The following ITGA11 variants were observed in gnomAD, a reference collection of about 807,000 sequenced individuals.
ITGA11 encodes integrin alpha-11.
In ITGA11, 97 loss-of-function variants were observed where a neutral mutation model predicts 141.9. That is an observed-to-expected ratio of 0.68 (90% CI 0.58 to 0.81). The LOEUF (loss-of-function observed/expected upper bound fraction) is 0.81, where lower values mean the gene tolerates loss of function less well. Ranked by LOEUF, ITGA11 falls within the 30% of genes least tolerant of loss-of-function variation. The pLI is 0.00. For synonymous variants in ITGA11, 658 were observed against 624.6 expected, an observed-to-expected ratio of 1.05 and a Z score of -0.80; for missense variants, 1,387 against 1,559.2, an observed-to-expected ratio of 0.89 and a Z score of 1.86.
At chr15:68,370,586 C>T (rs550703198) in intron 2 of ITGA11, among the ~76,000 whole-genome samples, 7 of 152,348 alleles carry the variant, frequency 4.6e-5, no homozygotes, top group African/African-American at 1.7e-4. Context: ...GTCTGGCTCT[C>T]TGCTCAGGCC....
Position 68,328,167 on chromosome 15 carries a change from G to A in ITGA11, c.1997C>T (p.Ala666Val), listed in dbSNP as rs1350837047. The A allele has an allele frequency of 1.9e-6, 3 of 1,613,836 alleles. No homozygotes were observed. Among genetic ancestry groups the A allele is most frequent in the Non-Finnish European group, 1.7e-6 (2 of 1,179,798 alleles). Residue 666 changes from alanine (A) to valine (V), a missense_variant, in exon 16 of 30, where the codon GCC (alanine) becomes GTC (valine). Ala to Val is a moderately conservative substitution (Grantham distance 64). Coordinates refer to ENST00000315757, the MANE Select transcript of ITGA11 (RefSeq NM_001004439.2). This position sits in a 1 kb window ranked among gnomAD's most constrained non-coding sequence, Gnocchi z 4.8. Reference sequence around the variant, plus strand: ...GCAGAGGAAGGCGGCCAGGCAGGTGGCATCCCTGCCACTGCGCTTGCAGTC... The same window carrying A: ...GCAGAGGAAGGCGGCCAGGCAGGTGACATCCCTGCCACTGCGCTTGCAGTC... The part of the protein sequence containing the change: ...HRDCKRSGRD[A>V]TCLAAFLCFT...
intron 2 of ITGA11, among the ~76,000 whole-genome samples, chr15:68,372,604 T>C (rs1372303492): frequency 1.3e-5 from 2 of 152,196 alleles, no homozygotes; most frequent in Non-Finnish European, 2.9e-5. Flanking sequence ...GTAGGACCCT[T>C]TCCCTGTTGA....
Position 68,321,553 on chromosome 15 carries a change from C to A in ITGA11, c.2323-50G>T. 7.7e-7 allele frequency: 1 copy of A among 1,290,460 alleles called. No individual in the cohort carries two copies. The highest frequency in any genetic ancestry group is 1.1e-6 in the Non-Finnish European group (1 of 923,134). 79.9% of individuals were successfully genotyped at this position (1,290,460 alleles called of 1,614,324 possible). A position where few individuals can be genotyped will look rare whatever the true frequency, so the allele number is the denominator to read the frequency against. On this transcript the variant is annotated intron_variant, in intron 18 of 29. Transcript: ENST00000315757. This position sits in a 1 kb window ranked among gnomAD's most constrained non-coding sequence, Gnocchi z 4.9. ...GGCAGCTGGGTAGGGACCCGCAGCCCCTCGCCCTCAATGTACACCAGCTCT... is the reference window on the plus strand; with the variant it reads ...GGCAGCTGGGTAGGGACCCGCAGCCACTCGCCCTCAATGTACACCAGCTCT...
chr15:68,395,193 A>C (rs1046884762), intron 2 of ITGA11, among the ~76,000 whole-genome samples: 5 of 152,232 alleles, frequency 3.3e-5, no homozygotes, highest in Non-Finnish European at 7.3e-5. Flanking sequence ...TCAAAGACCA[A>C]AGGTAGATAA....
rs759247835 is a variant in ITGA11 at position 68,326,693 on chromosome 15, G to A, written c.2172C>T (p.Ser724=). 9 of 1,589,850 alleles carry A rather than the reference G, an allele frequency of 5.7e-6. No individual in the cohort carries two copies. Among genetic ancestry groups the A allele is most frequent in the Admixed American group, 5.3e-5 (3 of 57,072 alleles). ...RFTNRAVLLS[S]GQELCERINF... ...TGATCCGCTCACAGAGCTCCTGGCC[G>A]GAGGAGAGCAGTACGGCTCTGTTGG... Residue 724 remains serine, a synonymous_variant, in exon 17 of 30, where the codon TCC becomes TCT. Coordinates refer to ENST00000315757, the MANE Select transcript of ITGA11 (RefSeq NM_001004439.2). This position sits in a 1 kb window ranked among gnomAD's most constrained non-coding sequence, Gnocchi z 6.8.
intron 10 of ITGA11, among the ~76,000 whole-genome samples, chr15:68,341,533 G>T (rs1312210290): frequency 6.6e-6 from 1 of 152,224 alleles, no homozygotes; most frequent in African/African-American, 2.4e-5. Flanking sequence ...TGACCAGAGA[G>T]GTAAGTAGGG....
intron 23 of ITGA11, 107 bp from the exon 24 acceptor site, chr15:68,312,970 A>G (rs1893443999): frequency 1.1e-5 from 8 of 744,172 alleles, no homozygotes; most frequent in African/African-American, 8.6e-5. Flanking sequence ...CGGGCCACGA[A>G]AAACAGGTTC....
At position 68,307,276 on chromosome 15, in the gene ITGA11, A is replaced by G; in HGVS notation, c.3381+72T>C. 1 of 1,100,280 alleles carries G rather than the reference A, an allele frequency of 9.1e-7. No individual in the cohort carries two copies. The allele number at this position is 1,100,280 out of a possible 1,614,324, so 68.2% of individuals were successfully genotyped here. On this transcript the variant is annotated intron_variant, in intron 28 of 29. Transcript: ENST00000315757. This position sits in a 1 kb window ranked among gnomAD's most constrained non-coding sequence, Gnocchi z 6.1. Reference sequence around the variant, plus strand: ...GCCAGGGGTTGTAGGAAAACTCTATAGAGGAGCACGGCCAACCCTTTCCCA... The same window carrying G: ...GCCAGGGGTTGTAGGAAAACTCTATGGAGGAGCACGGCCAACCCTTTCCCA...
chr15:68,322,605 A>G lies in ITGA11; in HGVS notation c.2323-1102T>C, dbSNP rs113481977. ...GGGTTGGCTGGGCGTGGTGGCTCAC[A>G]CCTGTAATCCTAGCACTCTGGGAGG... On this transcript the variant is annotated intron_variant, in intron 18 of 29. Coordinates refer to ENST00000315757, the MANE Select transcript of ITGA11 (RefSeq NM_001004439.2). This position sits in a 1 kb window ranked among gnomAD's most constrained non-coding sequence, Gnocchi z 5.6. Among the ~76,000 whole-genome samples, 1,587 of 152,138 alleles carry G rather than the reference A, an allele frequency of 0.01. 36 individuals carry two copies. The highest frequency in any genetic ancestry group is 0.036 in the African/African-American group (1,509 of 41,482).
chr15:68,410,309 A>C (rs748946866), intron 1 of ITGA11, among the ~76,000 whole-genome samples: 1 of 152,144 alleles, frequency 6.6e-6, no homozygotes, highest in Non-Finnish European at 1.5e-5. Flanking sequence ...TGTAAGCAAG[A>C]GCTTTCATTT....
At chr15:68,309,110 AG>A (rs1396913316) in intron 26 of ITGA11, among the ~76,000 whole-genome samples, 2 of 152,262 alleles carry the variant, frequency 1.3e-5, no homozygotes, top group African/African-American at 2.4e-5. Context: ...AACGGATAAA[AG>A]ATGGCTTTGC....
intron 2 of ITGA11, among the ~76,000 whole-genome samples, chr15:68,383,970 C>T (rs553751092): frequency 6.6e-5 from 10 of 152,092 alleles, no homozygotes; most frequent in African/African-American, 9.7e-5. Context: ...GAACTGCCCA[C>T]GTTAAATTTA....
At chr15:68,388,992 T>A (rs765704051) in intron 2 of ITGA11, among the ~76,000 whole-genome samples, 3 of 152,148 alleles carry the variant, frequency 2.0e-5, no homozygotes, top group Non-Finnish European at 4.4e-5. Flanking sequence ...GATGGCGTCC[T>A]TTCTCTAAAC....
intron 1 of ITGA11, among the ~76,000 whole-genome samples, chr15:68,412,360 G>A (rs1896791119): frequency 6.6e-6 from 1 of 152,192 alleles, no homozygotes; most frequent in African/African-American, 2.4e-5. Context: ...AGGGAGAAGT[G>A]TGGCCTAACG....
intron 10 of ITGA11, among the ~76,000 whole-genome samples, chr15:68,340,997 C>T (rs1161231559): frequency 6.6e-6 from 1 of 152,200 alleles, no homozygotes; most frequent in Non-Finnish European, 1.5e-5. Flanking sequence ...CTCTCTCCCA[C>T]GGAGCCTTCC....
rs1893853092 is a variant in ITGA11 at position 68,322,816 on chromosome 15, C to T, written c.2323-1313G>A. Among the ~76,000 whole-genome samples, 1 of 151,176 alleles carries T rather than the reference C, an allele frequency of 6.6e-6. No homozygotes were observed. Among genetic ancestry groups the T allele is most frequent in the East Asian group, 2.0e-4 (1 of 5,118 alleles). On this transcript the variant is annotated intron_variant, in intron 18 of 29. Transcript: ENST00000315757. This position sits in a 1 kb window ranked among gnomAD's most constrained non-coding sequence, Gnocchi z 5.6. Reference sequence around the variant, plus strand: ...GAGGCTGCAGTGGGCCAAGATCGTGCCACTACACTCCAACCTGGGTGACAG... The same window carrying T: ...GAGGCTGCAGTGGGCCAAGATCGTGTCACTACACTCCAACCTGGGTGACAG...
In ITGA11 at chr15:68,299,473, A is replaced by G. The variant is rs1892978487; in HGVS notation, c.*3586T>C. On this transcript the variant is annotated 3_prime_UTR_variant, in exon 30 of 30. Coordinates refer to ENST00000315757, the MANE Select transcript of ITGA11 (RefSeq NM_001004439.2). ...GTGCAGGATAAAAGGCTGGAACCAC[A>G]TTAGCCGAAGGTAAAAGCAAAGACT... 1 of 151,918 alleles carries G rather than the reference A, an allele frequency of 6.6e-6. No individual in the cohort carries two copies. 9.4% of individuals were successfully genotyped at this position (151,918 alleles called of 1,614,324 possible).
rs775025102 is a variant in ITGA11 at position 68,332,511 on chromosome 15, G to A, written c.1426-33C>T. ...ACGTGATGGGAGAGAGGAGTGGGCT[G>A]GCTGCCCAGCTCGCACAACCCAGAG... On this transcript the variant is annotated intron_variant, in intron 12 of 29. Transcript: ENST00000315757. The A allele has an allele frequency of 3.7e-6, 6 of 1,604,898 alleles. No homozygotes were observed. The Admixed American group carries it at 8.4e-5, about 22-fold the overall frequency.
At chr15:68,317,154 TC>T in intron 21 of ITGA11, 110 bp downstream of exon 21, 1 of 776,048 alleles carries the variant, frequency 1.3e-6, no homozygotes, top group Non-Finnish European at 2.3e-6. Flanking sequence ...AGGCCTCCCA[TC>T]CCTCCCTGGT....
Sources: gnomAD v4.1 joint callset for allele counts (sites outside exome capture counted in the v4.1 genomes callset) on GRCh38, gnomAD v4.1.1 for gene constraint, Gnocchi (gnomAD v3.1) non-coding constraint, MANE v1.5 for transcripts, NCBI Gene and HGNC (gene_info 2026-07-23, HGNC 2026-07-21) for gene names.